Variants in RETREG1 observed in about 807,000 individuals in gnomAD.
RETREG1 encodes family with sequence similarity 134 member B.
Under a neutral mutation model 54.8 loss-of-function variants are expected in RETREG1, and 44 were observed. That is an observed-to-expected ratio of 0.80 (90% confidence interval 0.63 to 1.03). RETREG1 has a LOEUF of 1.03. Ranked by LOEUF, RETREG1 falls within the 50% of genes least tolerant of loss-of-function variation. The probability of loss-of-function intolerance (pLI) is 0.00; values close to 1 mark genes in which losing one functional copy is unlikely to be tolerated. For missense variants in RETREG1, 554 were observed against 605.1 expected (o/e 0.92, Z 0.89); for synonymous variants, 217 against 238.5 (o/e 0.91, Z 0.83).
intron 1 of RETREG1, among the ~76,000 whole-genome samples, chr5:16,578,243 T>C (rs1358034092): frequency 1.3e-5 from 2 of 152,186 alleles, no homozygotes; most frequent in African/African-American, 4.8e-5. Context: ...AACTCAACTT[T>C]CTAACAAAAC....
chr5:16,539,015 G>A (rs559116289), intron 3 of RETREG1, among the ~76,000 whole-genome samples: 1 of 152,220 alleles, frequency 6.6e-6, no homozygotes, highest in Non-Finnish European at 1.5e-5. Context: ...AGGCTAGGCT[G>A]TCGGAATCTG....
At chr5:16,517,441 C>T (rs755338008) in intron 3 of RETREG1, among the ~76,000 whole-genome samples, 11 of 152,116 alleles carry the variant, frequency 7.2e-5, no homozygotes, top group East Asian at 1.9e-4. Context: ...TAGAATACAG[C>T]GTATTAATAT....
chr5:16,577,770 C>T (rs576009298), intron 1 of RETREG1, among the ~76,000 whole-genome samples: 1 of 152,184 alleles, frequency 6.6e-6, no homozygotes, highest in Admixed American at 6.5e-5. Context: ...CCATACTGTT[C>T]TCGTGGGAGT....
rs1388816050 is a variant in RETREG1 at position 16,483,553 on chromosome 5, G to A, written c.459-81C>T. On this transcript the variant is annotated intron_variant, in intron 3 of 8. Coordinates refer to ENST00000306320, the MANE Select transcript of RETREG1 (RefSeq NM_001034850.3). ...TTTATGGCTTTGGCAAATATTTATT[G>A]AGCATCTACTGTTGGCCACACCCTC... The A allele has an allele frequency of 6.1e-6, 9 of 1,475,558 alleles. No homozygotes were observed. In the Admixed American group the frequency reaches 8.5e-5, roughly 14 times the overall value. 91.4% of individuals were successfully genotyped at this position (1,475,558 alleles called of 1,614,324 possible).
chr5:16,501,517 C>A (rs1475223553), intron 3 of RETREG1, among the ~76,000 whole-genome samples: 1 of 146,804 alleles, frequency 6.8e-6, no homozygotes, highest in Non-Finnish European at 1.5e-5. Context: ...CATTGGCCTG[C>A]AATTTTTATT....
intron 1 of RETREG1, among the ~76,000 whole-genome samples, chr5:16,595,795 G>A (rs988806391): frequency 6.6e-6 from 1 of 152,112 alleles, no homozygotes; most frequent in Non-Finnish European, 1.5e-5. Context: ...CTGAGACAAC[G>A]GCCTGAATCT....
At position 16,473,755 on chromosome 5, in the gene RETREG1, AAT is replaced by A. The variant is rs1322943761; in HGVS notation, c.*984_*985del. The A allele has an allele frequency of 6.6e-6, 1 of 152,216 alleles. No homozygotes were observed. The highest frequency in any genetic ancestry group is 1.5e-5 in the Non-Finnish European group (1 of 68,022). The allele number at this position is 152,216 out of a possible 1,614,324, so 9.4% of individuals were successfully genotyped here. A position where few individuals can be genotyped will look rare whatever the true frequency, so the allele number is the denominator to read the frequency against. The stretch of plus-strand genomic sequence containing the variant: ...CATATTTATACTTAAATGGCAAATA[AAT>A]ATATTTTAAAGCCAAGCAAGTTCCT... On this transcript the variant is annotated 3_prime_UTR_variant, in exon 9 of 9. Transcript: ENST00000306320.
intron 3 of RETREG1, among the ~76,000 whole-genome samples, chr5:16,514,362 G>T (rs1173306852): frequency 6.6e-6 from 1 of 152,174 alleles, no homozygotes; most frequent in Non-Finnish European, 1.5e-5. Flanking sequence ...CCCAAAGAAG[G>T]CCTGCTGGTT....
At position 16,483,370 on chromosome 5, in the gene RETREG1, A is replaced by G; in HGVS notation, c.561T>C (p.Leu187=). The G allele has an allele frequency of 6.2e-7, 1 of 1,613,442 alleles. No individual in the cohort carries two copies. The highest frequency in any genetic ancestry group is 8.5e-7 in the Non-Finnish European group (1 of 1,179,416). The change falls in exon 4 of 9, where the codon CTT becomes CTC. Residue 187 remains leucine, a synonymous_variant. Transcript: ENST00000306320. ...CCTTGCCAGGGCTCTGCTGTTTAAAAAGAGACATTTCTTGAAGAAATATGC... is the reference window on the plus strand; with the variant it reads ...CCTTGCCAGGGCTCTGCTGTTTAAAGAGAGACATTTCTTGAAGAAATATGC... ...NFSIFLQEMS[L]FKQQSPGKFC...
At chr5:16,556,548 A>G (rs994000375) in intron 3 of RETREG1, among the ~76,000 whole-genome samples, 3 of 152,188 alleles carry the variant, frequency 2.0e-5, no homozygotes, top group African/African-American at 7.2e-5. Flanking sequence ...AGGAATGTCA[A>G]AAACGATCCT....
At chr5:16,541,744 GGAAGGAA>G (rs1561112820) in intron 3 of RETREG1, among the ~76,000 whole-genome samples, 14 of 44,502 alleles carry the variant, frequency 3.1e-4, no homozygotes, top group African/African-American at 1.4e-3. Flanking sequence ...AGGGAGGGAA[GGAAGGAA>G]GGAAGGAAGG....
intron 3 of RETREG1, among the ~76,000 whole-genome samples, chr5:16,562,207 C>T (rs1479586480): frequency 1.3e-5 from 2 of 152,064 alleles, no homozygotes; most frequent in Admixed American, 6.6e-5. Flanking sequence ...CCCAGCTACT[C>T]GGGAGGCTGA....
rs1741988468 is a variant in RETREG1 at position 16,565,751 on chromosome 5, A to G, written c.458+12T>C. 6.2e-7 allele frequency: 1 copy of G among 1,614,112 alleles called. No homozygotes were observed. Among genetic ancestry groups the G allele is most frequent in the South Asian group, 1.1e-5 (1 of 91,050 alleles). ...CCTCCATTAAGCACAACACGGAAAG[A>G]AAGTTCCCTACCTTTCACTGAGGCT... On this transcript the variant is annotated intron_variant, in intron 3 of 8. Coordinates refer to ENST00000306320, the MANE Select transcript of RETREG1 (RefSeq NM_001034850.3).
chr5:16,532,323 G>A (rs978549697), intron 3 of RETREG1, among the ~76,000 whole-genome samples: 6 of 152,126 alleles, frequency 3.9e-5, no homozygotes, highest in African/African-American at 7.2e-5. Context: ...TCAGGAGTTC[G>A]AGACCAGCCT....
chr5:16,500,328 G>A lies in RETREG1; in HGVS notation c.459-16856C>T, dbSNP rs139161118. On this transcript the variant is annotated intron_variant, in intron 3 of 8. Coordinates refer to ENST00000306320, the MANE Select transcript of RETREG1 (RefSeq NM_001034850.3). ...TTTATCAATTTGGGATTCAGAGACA[G>A]CAGGTGCCATGGTTTTAAGAAGGCA... Among the ~76,000 whole-genome samples the A allele has an allele frequency of 3.8e-3, 575 of 152,270 alleles. 1 individual carries two copies. Among genetic ancestry groups the A allele is most frequent in the Non-Finnish European group, 5.8e-3 (392 of 68,026 alleles).
At chr5:16,538,634 C>A (rs1345063491) in intron 3 of RETREG1, among the ~76,000 whole-genome samples, 1 of 152,164 alleles carries the variant, frequency 6.6e-6, no homozygotes, top group East Asian at 1.9e-4. Flanking sequence ...TACCAAGACA[C>A]CATGTACCTT....
chr5:16,592,308 T>C (rs915904396), intron 1 of RETREG1, among the ~76,000 whole-genome samples: 11 of 152,070 alleles, frequency 7.2e-5, no homozygotes, highest in African/African-American at 2.7e-4. Flanking sequence ...AAAAGCTCAG[T>C]ATTACTGATC....
At chr5:16,500,709 T>C (rs750981684) in intron 3 of RETREG1, among the ~76,000 whole-genome samples, 1 of 152,176 alleles carries the variant, frequency 6.6e-6, no homozygotes, top group Non-Finnish European at 1.5e-5. Flanking sequence ...ACATCCTTGC[T>C]TTCCCCCTAA....
intron 1 of RETREG1, among the ~76,000 whole-genome samples, chr5:16,589,054 C>T (rs1742689530): frequency 6.6e-6 from 1 of 152,232 alleles, no homozygotes; most frequent in Non-Finnish European, 1.5e-5. Context: ...GCTGTGCCAG[C>T]AGCCTCCTTA....
Sources: allele counts gnomAD v4.1 joint callset (sites outside exome capture counted in the v4.1 genomes callset), GRCh38; gene constraint gnomAD v4.1.1; transcripts MANE v1.5; gene names NCBI Gene and HGNC (gene_info 2026-07-23, HGNC 2026-07-21).